ZEB1: variants seen among roughly 807,000 people sequenced by gnomAD.
ZEB1 encodes zinc finger E-box-binding homeobox 1.
In ZEB1, 21 loss-of-function variants were observed where a neutral mutation model predicts 84.9. The observed-to-expected ratio is 0.25, with a 90% CI of 0.18 to 0.36. The LOEUF (loss-of-function observed/expected upper bound fraction) is 0.36, where lower values mean the gene tolerates loss of function less well. Among genes scored for constraint, ZEB1 ranks in the 10% least tolerant of loss-of-function variants. ZEB1 has a pLI of 1.00. For synonymous variants in ZEB1, 420 were observed against 471.1 expected (o/e 0.89, Z 1.41); for missense variants, 1,104 against 1,330.2 (o/e 0.83, Z 2.65).
intron 2 of ZEB1, among the ~76,000 whole-genome samples, chr10:31,475,384 A>G (rs2063984409): frequency 6.6e-6 from 1 of 152,184 alleles, no homozygotes; most frequent in Non-Finnish European, 1.5e-5. Flanking sequence ...TTGAGGGGAT[A>G]ATTTAGGAAA....
At chr10:31,502,917 T>C (rs1434077526) in intron 4 of ZEB1, among the ~76,000 whole-genome samples, 3 of 152,158 alleles carry the variant, frequency 2.0e-5, no homozygotes, top group Non-Finnish European at 2.9e-5. Context: ...TTTTCCTGAA[T>C]CTGCCTTAGT....
At chr10:31,491,312 C>A (rs910068043) in intron 2 of ZEB1, among the ~76,000 whole-genome samples, 3 of 151,812 alleles carry the variant, frequency 2.0e-5, no homozygotes, top group Non-Finnish European at 4.4e-5. Context: ...GGCCACAGCT[C>A]CTCCTACTGG....
At chr10:31,488,584 T>A (rs981792994) in intron 2 of ZEB1, among the ~76,000 whole-genome samples, 2 of 150,988 alleles carry the variant, frequency 1.3e-5, no homozygotes, top group Non-Finnish European at 3.0e-5. Context: ...TTGGGTTTAT[T>A]TTGCTCCTTG....
chr10:31,428,115 G>T (rs2057219258), intron 1 of ZEB1, among the ~76,000 whole-genome samples: 1 of 151,856 alleles, frequency 6.6e-6, no homozygotes, highest in African/African-American at 2.4e-5. Context: ...CTAGCTTTGG[G>T]ATTTGTGTGC....
At chr10:31,508,667 G>T (rs1158450413) in intron 4 of ZEB1, among the ~76,000 whole-genome samples, 2 of 152,098 alleles carry the variant, frequency 1.3e-5, no homozygotes, top group Admixed American at 6.5e-5. Context: ...GGTGGTGTGT[G>T]TAGGCATTGG....
intron 4 of ZEB1, among the ~76,000 whole-genome samples, chr10:31,505,646 C>A (rs949782217): frequency 2.0e-5 from 3 of 151,534 alleles, no homozygotes; most frequent in Admixed American, 1.3e-4. Context: ...CTTCTCTGTT[C>A]TTTTCTTAGT....
intron 3 of ZEB1, 27 bp downstream of exon 3, chr10:31,495,865 C>A (rs960591768): frequency 1.2e-6 from 2 of 1,611,764 alleles, no homozygotes; most frequent in Non-Finnish European, 8.5e-7. Context: ...TTCTTTCATA[C>A]CATAGCCTTT....
Position 31,338,140 on chromosome 10 carries a change from G to A in ZEB1, c.58+18848G>A, listed in dbSNP as rs180701603. ...TTTTCTGTTTATTGACCACCTTTTA[G>A]GAAGTTTGAGAAAGGTATTACCTTA... is the stretch of plus-strand genomic sequence containing the variant. On this transcript the variant is annotated intron_variant, in intron 1 of 8. Transcript: ENST00000424869. Among the ~76,000 whole-genome samples the A allele has an allele frequency of 9.9e-4, 151 of 152,078 alleles. 1 individual carries two copies. The East Asian group carries it at 0.021, about 21-fold the overall frequency.
intron 5 of ZEB1, among the ~76,000 whole-genome samples, chr10:31,514,268 C>A (rs191997026): frequency 3.9e-4 from 60 of 152,134 alleles, no homozygotes; most frequent in African/African-American, 1.4e-3. Context: ...TAGTTCCTAG[C>A]AAAGTATATA....
rs1021368151 is a variant in ZEB1 at position 31,415,535 on chromosome 10, A to C, written c.59-45502A>C. Among the ~76,000 whole-genome samples the C allele has an allele frequency of 3.5e-5, 5 of 141,960 alleles. No homozygotes were observed. In the South Asian group the frequency reaches 8.3e-4, roughly 24 times the overall value. 93.1% of individuals were successfully genotyped at this position (141,960 alleles called of 152,430 possible). A position where few individuals can be genotyped will look rare whatever the true frequency, so the allele number is the denominator to read the frequency against. The stretch of plus-strand genomic sequence containing the variant: ...TATACTTTTAAAAAAATTATAATTT[A>C]AAAAAAAATCTTATTGGACTTGTTT... On this transcript the variant is annotated intron_variant, in intron 1 of 8. Transcript: ENST00000424869.
intron 2 of ZEB1, among the ~76,000 whole-genome samples, chr10:31,463,377 A>G (rs2137539744): frequency 6.6e-6 from 1 of 152,320 alleles, no homozygotes; most frequent in South Asian, 2.1e-4. Context: ...TAAGTAAGAC[A>G]CTACCTTGTC....
At chr10:31,400,114 C>A in intron 1 of ZEB1, among the ~76,000 whole-genome samples, 1 of 152,142 alleles carries the variant, frequency 6.6e-6, no homozygotes, top group East Asian at 1.9e-4. Context: ...AGACCTGTTA[C>A]CATCTACCAT....
At chr10:31,437,537 C>G (rs1250427103) in intron 1 of ZEB1, among the ~76,000 whole-genome samples, 2 of 152,124 alleles carry the variant, frequency 1.3e-5, no homozygotes, top group Admixed American at 1.3e-4. Context: ...TCATGTCTTT[C>G]CAATGAAGGA....
In ZEB1 at chr10:31,445,828, T is replaced by C. The variant is rs563453048; in HGVS notation, c.59-15209T>C. ...CTGGATTCGGTTTGCCAGTATTTTA[T>C]TGAGGATTTTTGCATCAATGTTCAT... On this transcript the variant is annotated intron_variant, in intron 1 of 8. Transcript: ENST00000424869. Among the ~76,000 whole-genome samples, 585 of 112,406 alleles carry C rather than the reference T, an allele frequency of 5.2e-3. 11 individuals carry two copies. The highest frequency in any genetic ancestry group is 0.019 in the African/African-American group (526 of 28,048). 73.7% of individuals were successfully genotyped at this position (112,406 alleles called of 152,430 possible).
At chr10:31,444,187 G>GT (rs1415429525) in intron 1 of ZEB1, among the ~76,000 whole-genome samples, 1 of 145,014 alleles carries the variant, frequency 6.9e-6, no homozygotes, top group Non-Finnish European at 1.5e-5. Context: ...TTTTTCATGT[G>GT]TTTTTTGGCT....
rs771931451 is a variant in ZEB1, at chr10:31,521,832, A to G, written c.2500A>G (p.Lys834Glu). ...VPCLRALAAN[K>E]QTILIPQVAY... ...ATGCTTAAGAGCGCTAGCTGCCAAT[A>G]AGCAAACGATTCTGATTCCCCAGGT... Residue 834 changes from lysine to glutamate, a missense_variant, in exon 7 of 9, where the codon AAG becomes GAG. Physicochemically the swap from Lys to Glu is moderately conservative, Grantham distance 56. Coordinates refer to ENST00000424869, the MANE Select transcript of ZEB1 (RefSeq NM_001174096.2). 1.5e-5 allele frequency: 25 copies of G among 1,613,688 alleles called. No homozygotes were observed. In the Admixed American group the frequency reaches 3.8e-4, roughly 25 times the overall value.
At chr10:31,415,190 A>ATCCCTTTG (rs1237249394) in intron 1 of ZEB1, among the ~76,000 whole-genome samples, 14 of 152,156 alleles carry the variant, frequency 9.2e-5, no homozygotes, top group African/African-American at 1.4e-4. Flanking sequence ...TGTTTTCAAT[A>ATCCCTTTG]GAATTAACTG....
intron 2 of ZEB1, among the ~76,000 whole-genome samples, chr10:31,493,559 T>C (rs2066837798): frequency 6.6e-6 from 1 of 151,972 alleles, no homozygotes; most frequent in South Asian, 2.1e-4. Context: ...ATTACTTTAC[T>C]CCCCTTTTAA....
At chr10:31,323,975 G>C (rs901865320) in intron 1 of ZEB1, among the ~76,000 whole-genome samples, 7 of 146,790 alleles carry the variant, frequency 4.8e-5, no homozygotes, top group Admixed American at 4.7e-4. Context: ...GTGTGTGTGT[G>C]TGTGTGTGTG....
Sources: gnomAD v4.1 joint callset for allele counts (sites outside exome capture counted in the v4.1 genomes callset) on GRCh38, gnomAD v4.1.1 for gene constraint, MANE v1.5 for transcripts, NCBI Gene and HGNC (gene_info 2026-07-23, HGNC 2026-07-21) for gene names.